Variants in PCDH11X observed in about 807,000 individuals in gnomAD.
The protein encoded by PCDH11X is protocadherin 11 X-linked.
Under a neutral mutation model 53.3 loss-of-function variants are expected in PCDH11X, and 18 were observed. The observed-to-expected ratio is 0.34, with a 90% CI of 0.23 to 0.50. The LOEUF is 0.50. Among genes scored for constraint, PCDH11X ranks in the 20% least tolerant of loss-of-function variants. PCDH11X has a pLI of 0.98. For missense variants in PCDH11X, 570 were observed against 1,032.4 expected (o/e 0.55, Z 6.14); for synonymous variants, 279 against 393.3 (o/e 0.71, Z 3.44).
intron 6 of PCDH11X, among the ~76,000 whole-genome samples, chrX:92,024,167 A>T (rs2062932211): frequency 9.0e-6 from 1 of 110,778 alleles, no homozygotes; most frequent in Non-Finnish European, 1.9e-5. Flanking sequence ...CCAGCTGGGG[A>T]AATCAGGCAA....
intron 6 of PCDH11X, among the ~76,000 whole-genome samples, chrX:92,152,823 A>T (rs1156274603): frequency 4.5e-5 from 5 of 110,523 alleles, no homozygotes; most frequent in African/African-American, 1.6e-4. Context: ...TTTGAGACGG[A>T]GTCTAGCTCT....
chrX:92,281,247 C>T (rs1468261590), intron 8 of PCDH11X, among the ~76,000 whole-genome samples: 1 of 111,753 alleles, frequency 8.9e-6, no homozygotes, highest in Non-Finnish European at 1.9e-5. Flanking sequence ...TCAGATTTGT[C>T]CTTCTGATAA....
At chrX:92,446,058 C>T in intron 9 of PCDH11X, among the ~76,000 whole-genome samples, 1 of 109,247 alleles carries the variant, frequency 9.2e-6, no homozygotes, top group Non-Finnish European at 1.9e-5. Context: ...CAATATGTCA[C>T]CAAAGCCAGC....
chrX:92,436,917 A>C (rs1383165738), intron 9 of PCDH11X, among the ~76,000 whole-genome samples: 1 of 106,903 alleles, frequency 9.4e-6, no homozygotes, highest in Non-Finnish European at 1.9e-5. Flanking sequence ...AACTTCCATG[A>C]CACGAGTTTA....
At chrX:92,442,225 T>A (rs1350307278) in intron 9 of PCDH11X, among the ~76,000 whole-genome samples, 2 of 110,119 alleles carry the variant, frequency 1.8e-5, no homozygotes, top group East Asian at 2.9e-4. Flanking sequence ...GAATTTGGAC[T>A]GTGGACTTTT....
chrX:91,913,231 C>T (rs1941436758), intron 6 of PCDH11X, among the ~76,000 whole-genome samples: 1 of 111,261 alleles, frequency 9.0e-6, no homozygotes, highest in Non-Finnish European at 1.9e-5. Flanking sequence ...GAGGGAGCTG[C>T]TGCACATACA....
At chrX:92,483,108 C>T (rs1483888629) in intron 10 of PCDH11X, among the ~76,000 whole-genome samples, 1 of 110,798 alleles carries the variant, frequency 9.0e-6, no homozygotes, top group African/African-American at 3.3e-5. Context: ...TTATTAAATT[C>T]CCTGAAGCCG....
intron 6 of PCDH11X, among the ~76,000 whole-genome samples, chrX:92,099,660 T>C (rs2759985): frequency 9.0e-6 from 1 of 111,702 alleles, no homozygotes; most frequent in South Asian, 3.7e-4. Flanking sequence ...TGTTTTGAGT[T>C]AATTTAGTGT....
chrX:92,465,334 G>A (rs1328174978), intron 9 of PCDH11X, among the ~76,000 whole-genome samples: 3 of 111,618 alleles, frequency 2.7e-5, no homozygotes, highest in Non-Finnish European at 3.8e-5. Flanking sequence ...ATTGACTCTA[G>A]TAGTAAAGAT....
chrX:92,426,711 A>T (rs1405323269), intron 9 of PCDH11X, among the ~76,000 whole-genome samples: 1 of 110,634 alleles, frequency 9.0e-6, no homozygotes, highest in African/African-American at 3.3e-5. Context: ...AAAACAGGGT[A>T]TTGCATATTT....
At chrX:92,187,572 G>A (rs1213312208) in intron 6 of PCDH11X, among the ~76,000 whole-genome samples, 2 of 111,473 alleles carry the variant, frequency 1.8e-5, no homozygotes, top group African/African-American at 3.3e-5. Flanking sequence ...GTCAAAACCA[G>A]AAATAATTCC....
chrX:92,402,599 C>T (rs1483259843), intron 9 of PCDH11X, among the ~76,000 whole-genome samples: 1 of 111,648 alleles, frequency 9.0e-6, no homozygotes, highest in African/African-American at 3.3e-5. Flanking sequence ...TGAAGCTGGA[C>T]CGCTTCCTTA....
chrX:91,970,284 G>A (rs2061938293), intron 6 of PCDH11X, among the ~76,000 whole-genome samples: 4 of 111,425 alleles, frequency 3.6e-5, no homozygotes, highest in South Asian at 3.8e-4. Flanking sequence ...TCTGGCGAGG[G>A]TGGCCTGCTT....
intron 6 of PCDH11X, among the ~76,000 whole-genome samples, chrX:92,160,709 C>CAAAT (rs1423466773): frequency 2.0e-5 from 2 of 102,260 alleles, no homozygotes; most frequent in African/African-American, 7.2e-5. Flanking sequence ...AGTACTGGAT[C>CAAAT]AAATGGTAGT....
intron 7 of PCDH11X, among the ~76,000 whole-genome samples, chrX:92,251,692 A>G (rs745650036): frequency 1.0e-3 from 114 of 111,440 alleles, no homozygotes; most frequent in Non-Finnish European, 1.6e-3. Context: ...CTAATAATCT[A>G]TAAATACAAG....
At position 91,804,711 on chromosome X, in the gene PCDH11X, A is replaced by G. The variant is rs781686566; in HGVS notation, c.-378-4755A>G. ...TTTTGAACCATTAGATATTTATGTA[A>G]TTTAAGTATGAAAGTTTAAAAATGG... On this transcript the variant is annotated intron_variant, in intron 1 of 10. Coordinates refer to ENST00000682573, the MANE Select transcript of PCDH11X (RefSeq NM_032968.5). Among the ~76,000 whole-genome samples, 6 of 111,197 alleles carry G rather than the reference A, an allele frequency of 5.4e-5. No individual in the cohort carries two copies. In the South Asian group the frequency reaches 2.2e-3, roughly 42 times the overall value.
chrX:92,412,452 AT>A (rs200191494), intron 9 of PCDH11X, among the ~76,000 whole-genome samples: 8,879 of 99,384 alleles, frequency 0.089, 625 homozygotes, highest in African/African-American at 0.23. Context: ...GGGGGCTTTA[AT>A]TGTTGACAAT....
chrX:92,483,275 A>G (rs1408866109), intron 10 of PCDH11X, among the ~76,000 whole-genome samples: 2 of 107,561 alleles, frequency 1.9e-5, no homozygotes, highest in African/African-American at 6.8e-5. Context: ...TTTCATAAAG[A>G]CAAAGAGAAG....
At chrX:91,826,535 G>A (rs1018706008) in intron 4 of PCDH11X, among the ~76,000 whole-genome samples, 14 of 76,253 alleles carry the variant, frequency 1.8e-4, no homozygotes, top group African/African-American at 6.9e-4. Context: ...TGCCACAGGA[G>A]TTTGCTATAC....
Sources: allele counts gnomAD v4.1 joint callset (sites outside exome capture counted in the v4.1 genomes callset), GRCh38; gene constraint gnomAD v4.1.1; transcripts MANE v1.5; gene names NCBI Gene and HGNC (gene_info 2026-07-23, HGNC 2026-07-21).